The following MARCHF3 variants were observed in gnomAD, a reference collection of about 807,000 sequenced individuals.
MARCHF3 encodes membrane associated ring-CH-type finger 3.
MARCHF3 carries 13 observed loss-of-function variants against 24.2 expected under a neutral mutation model. That is an observed-to-expected ratio of 0.54 (90% CI 0.35 to 0.85). The LOEUF (loss-of-function observed/expected upper bound fraction) is 0.85. Among genes scored for constraint, MARCHF3 ranks in the 40% least tolerant of loss-of-function variants. The pLI is 0.01. For missense variants in MARCHF3, 276 were observed against 325.0 expected (o/e 0.85, Z 1.16); for synonymous variants, 144 against 137.3 (o/e 1.05, Z -0.34).
chr5:126,892,839 G>T (rs184991965), intron 3 of MARCHF3, among the ~76,000 whole-genome samples: 2 of 149,822 alleles, frequency 1.3e-5, no homozygotes, highest in Non-Finnish European at 3.0e-5. Context: ...TTTGTCTATT[G>T]ATTGGAATAG....
intron 1 of MARCHF3, among the ~76,000 whole-genome samples, chr5:126,992,766 A>ATTTTTTTTTTTTTTTT (rs757479478): frequency 4.5e-4 from 43 of 95,504 alleles, no homozygotes; most frequent in East Asian, 2.0e-3. Context: ...CATCCACGTG[A>ATTTTTTTTTTTTTTTT]TTTTTTTTTT....
chr5:126,995,837 C>T (rs911555620), intron 1 of MARCHF3, among the ~76,000 whole-genome samples: 1 of 152,220 alleles, frequency 6.6e-6, no homozygotes, highest in Non-Finnish European at 1.5e-5. Flanking sequence ...AGCCTTTTGG[C>T]ATTCTACTAG....
chr5:126,949,325 T>C (rs941622895), intron 1 of MARCHF3, among the ~76,000 whole-genome samples: 20 of 152,186 alleles, frequency 1.3e-4, no homozygotes, highest in Non-Finnish European at 2.8e-4. Context: ...AAGAAAAATA[T>C]GAGGACACCA....
At chr5:126,955,700 T>G (rs1750416029) in intron 1 of MARCHF3, among the ~76,000 whole-genome samples, 1 of 152,380 alleles carries the variant, frequency 6.6e-6, no homozygotes, top group East Asian at 1.9e-4. Flanking sequence ...TCTGACTATA[T>G]AGTCTGAAAC....
intron 1 of MARCHF3, among the ~76,000 whole-genome samples, chr5:126,953,410 T>C (rs2126817165): frequency 6.6e-6 from 1 of 152,292 alleles, no homozygotes; most frequent in South Asian, 2.1e-4. Context: ...TCTTTCTCTC[T>C]TTTGGGTTCC....
intron 1 of MARCHF3, among the ~76,000 whole-genome samples, chr5:126,997,742 T>TC (rs377739379): frequency 3.3e-5 from 5 of 152,120 alleles, no homozygotes; most frequent in African/African-American, 1.2e-4. Context: ...GCAAATCTCT[T>TC]CCCCCCTTAA....
chr5:126,999,171 T>C (rs729607), intron 1 of MARCHF3, among the ~76,000 whole-genome samples: 84,390 of 152,120 alleles, frequency 0.55, 24,222 homozygotes, highest in East Asian at 0.79. Context: ...AGGGCTCAGT[T>C]GGGGCAAACA....
At chr5:127,011,970 T>A (rs1752489405) in intron 1 of MARCHF3, among the ~76,000 whole-genome samples, 1 of 152,206 alleles carries the variant, frequency 6.6e-6, no homozygotes, top group African/African-American at 2.4e-5. Flanking sequence ...TGGCTAATAT[T>A]TTCCAGTTGG....
intron 1 of MARCHF3, among the ~76,000 whole-genome samples, chr5:126,983,413 C>T (rs540657697): frequency 1.3e-5 from 2 of 152,292 alleles, no homozygotes; most frequent in South Asian, 4.1e-4. Flanking sequence ...AGACTGGTCA[C>T]TTCCTCAGCA....
chr5:126,882,069 TTCCA>T (rs1385501095), intron 3 of MARCHF3, among the ~76,000 whole-genome samples: 1 of 152,130 alleles, frequency 6.6e-6, no homozygotes, highest in Non-Finnish European at 1.5e-5. Context: ...AGTATCCCCA[TTCCA>T]TAGATATAAA....
At chr5:126,938,658 C>A (rs1226195869) in intron 1 of MARCHF3, among the ~76,000 whole-genome samples, 1 of 152,108 alleles carries the variant, frequency 6.6e-6, no homozygotes, top group East Asian at 1.9e-4. Flanking sequence ...AGTCATCATG[C>A]ATTTTTCTAG....
intron 1 of MARCHF3, among the ~76,000 whole-genome samples, chr5:126,967,495 C>A (rs1750858005): frequency 6.6e-6 from 1 of 152,148 alleles, no homozygotes; most frequent in South Asian, 2.1e-4. Flanking sequence ...GAGTTTGAGA[C>A]AAGCCTGGCC....
intron 1 of MARCHF3, among the ~76,000 whole-genome samples, chr5:126,956,661 A>AAAC (rs761276687): frequency 3.6e-4 from 51 of 140,368 alleles, no homozygotes; most frequent in Middle Eastern, 3.5e-3. Flanking sequence ...AAAAAAAAAA[A>AAAC]AAAAAAAAAA....
intron 2 of MARCHF3, among the ~76,000 whole-genome samples, chr5:126,915,976 A>C (rs566893110): frequency 1.6e-4 from 24 of 152,342 alleles, no homozygotes; most frequent in African/African-American, 5.3e-4. Context: ...GGGCACAAAA[A>C]TGGTGCCTTC....
intron 1 of MARCHF3, among the ~76,000 whole-genome samples, chr5:127,007,473 T>C (rs1250419454): frequency 6.6e-6 from 1 of 152,118 alleles, no homozygotes; most frequent in Non-Finnish European, 1.5e-5. Flanking sequence ...GTTTTTCTAA[T>C]GGTGGTATCT....
At chr5:126,896,458 G>A (rs1015230740) in intron 3 of MARCHF3, among the ~76,000 whole-genome samples, 1 of 152,246 alleles carries the variant, frequency 6.6e-6, no homozygotes, top group East Asian at 1.9e-4. Context: ...GGGTCTGCGG[G>A]AAAGCTCTGC....
Position 126,869,934 on chromosome 5 carries a change from A to T in MARCHF3, c.*699T>A, listed in dbSNP as rs1301462133. 2 of 152,558 alleles carry T rather than the reference A, an allele frequency of 1.3e-5. No individual in the cohort carries two copies. Among genetic ancestry groups the T allele is most frequent in the African/African-American group, 4.8e-5 (2 of 41,406 alleles). 9.5% of individuals were successfully genotyped at this position (152,558 alleles called of 1,614,324 possible). A position where few individuals can be genotyped will look rare whatever the true frequency, so the allele number is the denominator to read the frequency against. On this transcript the variant is annotated 3_prime_UTR_variant, in exon 5 of 5. Coordinates refer to ENST00000308660, the MANE Select transcript of MARCHF3 (RefSeq NM_178450.5). ...TGTCAGTACCAAACAAGTTGAAAGG[A>T]GCGAGCTTCTCACCATATTTTTTTT...
chr5:126,991,237 T>A (rs1751748725), intron 1 of MARCHF3, among the ~76,000 whole-genome samples: 1 of 152,218 alleles, frequency 6.6e-6, no homozygotes, highest in Non-Finnish European at 1.5e-5. Context: ...GATGAGTTCA[T>A]GTCCTTTGCA....
intron 1 of MARCHF3, among the ~76,000 whole-genome samples, chr5:126,980,967 G>A (rs1751374486): frequency 6.6e-6 from 1 of 152,192 alleles, no homozygotes; most frequent in Non-Finnish European, 1.5e-5. Flanking sequence ...TGAAAGTCAA[G>A]AGCAGTTGTA....
Sources: gnomAD v4.1 joint callset for allele counts (sites outside exome capture counted in the v4.1 genomes callset) on GRCh38, gnomAD v4.1.1 for gene constraint, MANE v1.5 for transcripts, NCBI Gene and HGNC (gene_info 2026-07-23, HGNC 2026-07-21) for gene names.